Variants in PRKN observed in about 807,000 individuals in gnomAD.
PRKN encodes E3 ubiquitin-protein ligase parkin.
A neutral mutation model predicts 59.5 loss-of-function variants in PRKN; 56 were observed. The ratio of observed to expected loss-of-function variants is 0.94; its 90% CI spans 0.76 to 1.18. The LOEUF is 1.18. Among genes scored for constraint, PRKN ranks in the 50% most tolerant of loss-of-function variants. The pLI is 0.00. For synonymous variants in PRKN, 250 were observed against 222.1 expected (o/e 1.13, Z -1.12); for missense variants, 657 against 596.4 (o/e 1.10, Z -1.06).
chr6:162,634,227 C>T (rs1307429727), intron 1 of PRKN, among the ~76,000 whole-genome samples: 1 of 152,124 alleles, frequency 6.6e-6, no homozygotes, highest in Non-Finnish European at 1.5e-5. Flanking sequence ...ACCCAGGGGC[C>T]AGCAAACATT....
chr6:162,491,875 G>A (rs1449765895), intron 1 of PRKN, among the ~76,000 whole-genome samples: 3 of 152,172 alleles, frequency 2.0e-5, no homozygotes, highest in Non-Finnish European at 4.4e-5. Context: ...AGCAGATCAC[G>A]TGTTCCCTGA....
At chr6:161,879,578 C>A (rs542748004) in intron 6 of PRKN, among the ~76,000 whole-genome samples, 1 of 152,210 alleles carries the variant, frequency 6.6e-6, no homozygotes, top group South Asian at 2.1e-4. Context: ...GATCTCCTGA[C>A]CTCATGATCT....
intron 1 of PRKN, among the ~76,000 whole-genome samples, chr6:162,698,311 A>C (rs72579825): frequency 1.4e-4 from 1 of 7,324 alleles, no homozygotes; most frequent in Non-Finnish European, 3.2e-4. Flanking sequence ...AACTTCTTTC[A>C]CAGCCAGGAC....
intron 9 of PRKN, among the ~76,000 whole-genome samples, chr6:161,507,828 C>T (rs1321160276): frequency 1.3e-5 from 2 of 152,152 alleles, no homozygotes; most frequent in African/African-American, 4.8e-5. Context: ...CACGTCCAGC[C>T]TGAATCACTC....
intron 1 of PRKN, among the ~76,000 whole-genome samples, chr6:162,619,733 C>CACA (rs71544945): frequency 6.8e-6 from 1 of 147,758 alleles, no homozygotes. Context: ...CACACACACA[C>CACA]TACCGCAGAT....
At chr6:162,436,120 G>A (rs1015940458) in intron 2 of PRKN, among the ~76,000 whole-genome samples, 2 of 128,002 alleles carry the variant, frequency 1.6e-5, no homozygotes, top group Non-Finnish European at 3.2e-5. Flanking sequence ...AGGTTGCAGT[G>A]AGCCAAGATC....
chr6:161,605,582 G>A (rs1183992588), intron 7 of PRKN, among the ~76,000 whole-genome samples: 1 of 151,336 alleles, frequency 6.6e-6, no homozygotes, highest in Non-Finnish European at 1.5e-5. Context: ...CGCGATCTTG[G>A]CTCACTACAA....
At chr6:161,883,802 G>A (rs1014335667) in intron 6 of PRKN, among the ~76,000 whole-genome samples, 4 of 151,994 alleles carry the variant, frequency 2.6e-5, no homozygotes, top group East Asian at 1.9e-4. Flanking sequence ...ACAGCCGCGC[G>A]CCACCACGCC....
chr6:162,422,163 A>T (rs1185550689), intron 2 of PRKN, among the ~76,000 whole-genome samples: 2 of 152,214 alleles, frequency 1.3e-5, no homozygotes, highest in African/African-American at 4.8e-5. Flanking sequence ...TTACTTGCTA[A>T]CTTCAAAGAG....
rs1247961623 is a variant in PRKN, at chr6:161,473,225, G to C, written c.1083+75629C>G. Among the ~76,000 whole-genome samples, 1 of 151,976 alleles carries C rather than the reference G, an allele frequency of 6.6e-6. No homozygotes were observed. The highest frequency in any genetic ancestry group is 2.4e-5 in the African/African-American group (1 of 41,366). On this transcript the variant is annotated intron_variant, in intron 9 of 11. Coordinates refer to ENST00000366898, the MANE Select transcript of PRKN (RefSeq NM_004562.3). The surrounding 1 kb of genome is among the most constrained non-coding windows in gnomAD (Gnocchi z 4.1). ...GTTCACTGTGGCATTATTTACAATA[G>C]CAAGATATGCAAACAACCTAAGTAA...
At chr6:162,458,453 AAATT>A (rs1331751170) in intron 1 of PRKN, among the ~76,000 whole-genome samples, 1 of 150,396 alleles carries the variant, frequency 6.6e-6, no homozygotes, top group Non-Finnish European at 1.5e-5. Flanking sequence ...AATTTTTTTT[AAATT>A]AATAGAGGTT....
intron 9 of PRKN, among the ~76,000 whole-genome samples, chr6:161,493,208 G>C (rs968947459): frequency 6.6e-6 from 1 of 152,124 alleles, no homozygotes; most frequent in African/African-American, 2.4e-5. Context: ...CAAAGTGTCT[G>C]GCACACATGT....
At chr6:162,195,991 A>G (rs1162664591) in intron 4 of PRKN, among the ~76,000 whole-genome samples, 1 of 152,188 alleles carries the variant, frequency 6.6e-6, no homozygotes, top group African/African-American at 2.4e-5. Context: ...CACTCTATAA[A>G]AAGCCTTACT....
rs1245166489 is a variant in PRKN, at chr6:162,367,090, A to T, written c.171+76220T>A. On this transcript the variant is annotated intron_variant, in intron 2 of 11. Transcript: ENST00000366898. ...AGGTAGTTGAATCCTGAGGCCAGTT[A>T]CCCCCATGCCTGCTGTTCTCATGAT... Among the ~76,000 whole-genome samples, 3 of 151,678 alleles carry T rather than the reference A, an allele frequency of 2.0e-5. No individual in the cohort carries two copies. The East Asian group carries it at 5.8e-4, about 29-fold the overall frequency.
chr6:162,618,957 T>C (rs1371110439), intron 1 of PRKN, among the ~76,000 whole-genome samples: 3 of 152,208 alleles, frequency 2.0e-5, no homozygotes, highest in Non-Finnish European at 4.4e-5. Flanking sequence ...CAGGATTCTC[T>C]GCATAGTGAC....
chr6:162,531,227 A>G (rs2846491), intron 1 of PRKN, among the ~76,000 whole-genome samples: 53,171 of 151,550 alleles, frequency 0.35, 11,128 homozygotes, highest in Middle Eastern at 0.51. Flanking sequence ...GGGTGGTGGT[A>G]CATGCCTGTA....
At chr6:162,660,411 T>C (rs150536940) in intron 1 of PRKN, among the ~76,000 whole-genome samples, 1 of 152,314 alleles carries the variant, frequency 6.6e-6, no homozygotes, top group African/African-American at 2.4e-5. Flanking sequence ...ACCATCACAC[T>C]GTGTCTTTGT....
Position 161,518,563 on chromosome 6 carries a change from C to G in PRKN, c.1083+30291G>C, listed in dbSNP as rs11965294. The stretch of plus-strand genomic sequence containing the variant: ...GGCTCACATCTGCCCTTGCTGGGTT[C>G]CACCACCTTCTGGCAAAGAGCATTA... On this transcript the variant is annotated intron_variant, in intron 9 of 11. Coordinates refer to ENST00000366898, the MANE Select transcript of PRKN (RefSeq NM_004562.3). The surrounding 1 kb of genome is among the most constrained non-coding windows in gnomAD (Gnocchi z 5.0). Among the ~76,000 whole-genome samples, 13,279 of 152,176 alleles carry G rather than the reference C, an allele frequency of 0.087. 699 individuals carry two copies. The highest frequency in any genetic ancestry group is 0.15 in the African/African-American group (6,403 of 41,506).
intron 1 of PRKN, among the ~76,000 whole-genome samples, chr6:162,620,175 T>A (rs1322317506): frequency 6.6e-6 from 1 of 152,120 alleles, no homozygotes; most frequent in African/African-American, 2.4e-5. Flanking sequence ...ATTTGTATTT[T>A]ACTTTTATCT....
Sources: gnomAD v4.1 joint callset for allele counts (sites outside exome capture counted in the v4.1 genomes callset) on GRCh38, gnomAD v4.1.1 for gene constraint, Gnocchi (gnomAD v3.1) non-coding constraint, MANE v1.5 for transcripts, NCBI Gene and HGNC (gene_info 2026-07-23, HGNC 2026-07-21) for gene names.